Variants in CELF2 observed in about 807,000 individuals in gnomAD.
The protein encoded by CELF2 is CUGBP Elav-like family member 2.
CELF2 carries 8 observed loss-of-function variants against 62.6 expected under a neutral mutation model. The observed-to-expected ratio is 0.13, with a 90% CI of 0.07 to 0.23. CELF2 has a LOEUF of 0.23. Among genes scored for constraint, CELF2 ranks in the 10% least tolerant of loss-of-function variants. The pLI, the probability that CELF2 is intolerant of heterozygous loss-of-function variation, is 1.00. For missense variants in CELF2, 333 were observed against 671.0 expected (o/e 0.50, Z 5.56); for synonymous variants, 258 against 250.0 (o/e 1.03, Z -0.30).
At chr10:11,312,122 C>T (rs1439290459) in intron 9 of CELF2, among the ~76,000 whole-genome samples, 1 of 152,136 alleles carries the variant, frequency 6.6e-6, no homozygotes, top group Non-Finnish European at 1.5e-5. Context: ...TAATGGAAAT[C>T]AGAAGGCCAT....
At chr10:11,037,729 C>T (rs570649490) in intron 1 of CELF2, among the ~76,000 whole-genome samples, 1 of 152,314 alleles carries the variant, frequency 6.6e-6, no homozygotes, top group South Asian at 2.1e-4. Context: ...GAAGGTTCCT[C>T]GTGGCCTAGC....
the CELF2 span, among the ~76,000 whole-genome samples, chr10:10,495,140 G>A: frequency 1.3e-5 from 2 of 152,086 alleles, no homozygotes; most frequent in Non-Finnish European, 1.5e-5. Context: ...AATTAGCCAG[G>A]CATGGTGGCG....
chr10:11,142,683 C>CAAAAAAAAAAA (rs1006618543), intron 1 of CELF2, among the ~76,000 whole-genome samples: 2 of 63,716 alleles, frequency 3.1e-5, no homozygotes, highest in African/African-American at 1.1e-4. Flanking sequence ...GACGCTGTCT[C>CAAAAAAAAAAA]AAAAAAAAAA....
At chr10:10,774,644 C>T in the CELF2 span, among the ~76,000 whole-genome samples, 17 of 152,254 alleles carry the variant, frequency 1.1e-4, no homozygotes, top group Admixed American at 7.8e-4. Context: ...AAGCAGATGG[C>T]GCAGTGCTTC....
intron 2 of CELF2, among the ~76,000 whole-genome samples, chr10:11,200,820 A>T (rs752523030): frequency 5.9e-5 from 9 of 152,222 alleles, no homozygotes; most frequent in Non-Finnish European, 1.2e-4. Context: ...AGAAGACGGA[A>T]ATTAACTTCT....
the CELF2 span, among the ~76,000 whole-genome samples, chr10:10,560,067 C>T: frequency 2.0e-5 from 3 of 152,256 alleles, no homozygotes; most frequent in East Asian, 3.9e-4. Context: ...CTCAATGTCT[C>T]GAAATCCTCA....
intron 1 of CELF2, among the ~76,000 whole-genome samples, chr10:11,149,927 C>T (rs887624203): frequency 6.6e-6 from 1 of 152,188 alleles, no homozygotes; most frequent in East Asian, 1.9e-4. Flanking sequence ...TTAAATATAT[C>T]CGTGATTCTA....
intron 2 of CELF2, among the ~76,000 whole-genome samples, chr10:10,962,600 C>T (rs911222749): frequency 6.6e-6 from 1 of 152,160 alleles, no homozygotes; most frequent in African/African-American, 2.4e-5. Context: ...GCACACACCC[C>T]TGTAGTCCCA....
chr10:11,229,707 A>G (rs113056943), intron 3 of CELF2, among the ~76,000 whole-genome samples: 6,045 of 151,670 alleles, frequency 0.04, 423 homozygotes, highest in African/African-American at 0.14. Context: ...CTCCTGCCTC[A>G]GCCTCCCAAG....
the CELF2 span, among the ~76,000 whole-genome samples, chr10:10,542,180 G>A: frequency 1.3e-5 from 2 of 152,144 alleles, no homozygotes; most frequent in Non-Finnish European, 1.5e-5. Flanking sequence ...CGGGTATCAC[G>A]TCACCTAATT....
intron 1 of CELF2, among the ~76,000 whole-genome samples, chr10:11,027,325 C>T (rs1188927953): frequency 1.3e-5 from 2 of 152,116 alleles, no homozygotes; most frequent in East Asian, 1.9e-4. Context: ...CTCTGATGTC[C>T]GAAAGTTGCC....
chr10:10,495,375 T>G, the CELF2 span, among the ~76,000 whole-genome samples: 2 of 152,260 alleles, frequency 1.3e-5, no homozygotes, highest in African/African-American at 4.8e-5. Context: ...TGAAGAGTTC[T>G]GTGGCCTTAC....
At chr10:11,066,815 T>TG (rs1259522969) in intron 1 of CELF2, among the ~76,000 whole-genome samples, 2 of 151,944 alleles carry the variant, frequency 1.3e-5, no homozygotes, top group East Asian at 1.9e-4. Flanking sequence ...TGCCAGGGTG[T>TG]GGGGGGAGCT....
intron 1 of CELF2, among the ~76,000 whole-genome samples, chr10:10,884,655 A>G (rs1193422269): frequency 6.6e-6 from 1 of 152,220 alleles, no homozygotes; most frequent in Non-Finnish European, 1.5e-5. Context: ...TGCTTGAACT[A>G]TCCTTGACTT....
At chr10:11,308,264 G>A in intron 9 of CELF2, among the ~76,000 whole-genome samples, 1 of 152,132 alleles carries the variant, frequency 6.6e-6, no homozygotes, top group Non-Finnish European at 1.5e-5. Flanking sequence ...CCTACTTGGA[G>A]TTTGTTTATT....
chr10:11,161,671 A>T (rs1039903489), intron 1 of CELF2, among the ~76,000 whole-genome samples: 4 of 152,216 alleles, frequency 2.6e-5, no homozygotes, highest in Non-Finnish European at 1.5e-5. Flanking sequence ...TTGAATTTGG[A>T]TGTAAATTCT....
intron 2 of CELF2, among the ~76,000 whole-genome samples, chr10:11,166,977 C>T (rs1020252658): frequency 2.0e-5 from 3 of 152,324 alleles, no homozygotes; most frequent in Admixed American, 6.5e-5. Flanking sequence ...TGCGTGTCTT[C>T]GGAGTGTGTT....
At chr10:10,680,794 G>A in the CELF2 span, among the ~76,000 whole-genome samples, 1 of 152,192 alleles carries the variant, frequency 6.6e-6, no homozygotes, top group Admixed American at 6.5e-5. Context: ...GAAGGGAAAA[G>A]GCCAGAGCTC....
chr10:10,954,215 TTATTA>T (rs1418783208), intron 2 of CELF2, among the ~76,000 whole-genome samples: 25 of 6,094 alleles, frequency 4.1e-3, no homozygotes, highest in African/African-American at 5.4e-3. Flanking sequence ...AATTTATTTA[TTATTA>T]TTATTATTAT....
Sources: gnomAD v4.1 joint callset for allele counts (sites outside exome capture counted in the v4.1 genomes callset) on GRCh38, gnomAD v4.1.1 for gene constraint, MANE v1.5 for transcripts, NCBI Gene and HGNC (gene_info 2026-07-23, HGNC 2026-07-21) for gene names.